KCNK10: variants seen among roughly 807,000 people sequenced by gnomAD.
KCNK10 encodes potassium channel subfamily K member 10.
A neutral mutation model predicts 47.7 loss-of-function variants in KCNK10; 25 were observed. The observed-to-expected ratio is 0.52, with a 90% CI of 0.38 to 0.73. KCNK10 has a LOEUF of 0.73. KCNK10 is among the 30% of genes least tolerant of loss of function. KCNK10 has a pLI of 0.00. For missense variants in KCNK10, 563 were observed against 714.5 expected (o/e 0.79, Z 2.42); for synonymous variants, 303 against 285.6 (o/e 1.06, Z -0.61).
In KCNK10 at chr14:88,220,342, G is replaced by A. The variant is rs1359480287; in HGVS notation, c.681+7033C>T. ...TGAGGCAGGAGAATGGCGTGAACCC[G>A]GGAGGCGGAGCTTGCAGTGAGCCGA... is the stretch of plus-strand genomic sequence containing the variant. On this transcript the variant is annotated intron_variant, in intron 4 of 6. Transcript: ENST00000319231. Among the ~76,000 whole-genome samples, 50 of 140,872 alleles carry A rather than the reference G, an allele frequency of 3.5e-4. No individual in the cohort carries two copies. The South Asian group carries it at 0.01, about 29-fold the overall frequency. 92.4% of individuals were successfully genotyped at this position (140,872 alleles called of 152,430 possible).
chr14:88,281,445 TG>T (rs1887647136), intron 1 of KCNK10, among the ~76,000 whole-genome samples: 1 of 152,154 alleles, frequency 6.6e-6, no homozygotes, highest in Non-Finnish European at 1.5e-5. Context: ...ACGACATAGG[TG>T]GTCCACATCC....
chr14:88,276,948 T>C (rs1465787818), intron 1 of KCNK10, among the ~76,000 whole-genome samples: 1 of 152,272 alleles, frequency 6.6e-6, no homozygotes, highest in African/African-American at 2.4e-5. Context: ...ACGTGTACTT[T>C]ACAAAAGGAT....
chr14:88,258,909 T>C (rs1050293785), intron 2 of KCNK10, among the ~76,000 whole-genome samples: 23 of 152,138 alleles, frequency 1.5e-4, no homozygotes, highest in African/African-American at 5.3e-4. Flanking sequence ...GGATACTCTA[T>C]TTTGGTTATT....
intron 3 of KCNK10, among the ~76,000 whole-genome samples, chr14:88,231,530 G>A (rs1045087580): frequency 2.0e-5 from 3 of 152,142 alleles, no homozygotes; most frequent in Non-Finnish European, 2.9e-5. Context: ...GAACCTGATC[G>A]CTCGCTGTCC....
chr14:88,258,290 CTTT>C (rs1255773967), intron 2 of KCNK10, among the ~76,000 whole-genome samples: 6 of 136,244 alleles, frequency 4.4e-5, no homozygotes, highest in Non-Finnish European at 8.0e-5. Flanking sequence ...TATGGTGAGT[CTTT>C]TTTTTTTTTT....
chr14:88,208,911 CA>C (rs1267378364), intron 4 of KCNK10, among the ~76,000 whole-genome samples: 1 of 152,046 alleles, frequency 6.6e-6, no homozygotes, highest in Non-Finnish European at 1.5e-5. Context: ...GATAGGTAGA[CA>C]AACAAATATT....
At chr14:88,283,397 C>T in intron 1 of KCNK10, among the ~76,000 whole-genome samples, 1 of 152,198 alleles carries the variant, frequency 6.6e-6, no homozygotes, top group East Asian at 1.9e-4. Context: ...GATGGTAATA[C>T]AGATTTGCCG....
At chr14:88,244,948 A>T (rs1444450601) in intron 2 of KCNK10, among the ~76,000 whole-genome samples, 3 of 152,236 alleles carry the variant, frequency 2.0e-5, no homozygotes, top group Non-Finnish European at 4.4e-5. Flanking sequence ...AGAGGTAGAC[A>T]GATAATTAGA....
At chr14:88,231,185 C>T (rs1056383774) in intron 3 of KCNK10, among the ~76,000 whole-genome samples, 2 of 152,102 alleles carry the variant, frequency 1.3e-5, no homozygotes, top group East Asian at 1.9e-4. Context: ...TTGGCTGAGG[C>T]GCGAGGACCA....
At position 88,215,628 on chromosome 14, in the gene KCNK10, A is replaced by G. The variant is rs1210203609; in HGVS notation, c.681+11747T>C. On this transcript the variant is annotated intron_variant, in intron 4 of 6. Transcript: ENST00000319231. ...CAAAATCCTCTCAGACAAATGACCG[A>G]TCCAAGGCTCCCTACAAAGGTTCTG... is the stretch of plus-strand genomic sequence containing the variant. Among the ~76,000 whole-genome samples the G allele has an allele frequency of 5.3e-5, 8 of 152,106 alleles. No homozygotes were observed. In the South Asian group the frequency reaches 1.7e-3, roughly 31 times the overall value.
At chr14:88,268,487 G>A (rs560215869) in intron 1 of KCNK10, among the ~76,000 whole-genome samples, 22 of 152,298 alleles carry the variant, frequency 1.4e-4, no homozygotes, top group Admixed American at 5.9e-4. Context: ...GCCCAAAAGA[G>A]AGAAGCCAGA....
chr14:88,227,862 G>T (rs1353643630), intron 3 of KCNK10, among the ~76,000 whole-genome samples: 1 of 152,172 alleles, frequency 6.6e-6, no homozygotes. Flanking sequence ...AGTTTAGCGA[G>T]ACCTGAATGC....
chr14:88,281,532 C>T (rs936980902), intron 1 of KCNK10, among the ~76,000 whole-genome samples: 17 of 151,986 alleles, frequency 1.1e-4, no homozygotes, highest in African/African-American at 3.9e-4. Context: ...TGCCTTTGGA[C>T]CTGAACTGAA....
rs1328459392 is a variant in KCNK10 at position 88,186,382 on chromosome 14, C to A, written c.1012-227G>T. 6.6e-6 allele frequency among the ~76,000 whole-genome samples: 1 copy of A among 152,142 alleles called. No homozygotes were observed. The highest frequency in any genetic ancestry group is 1.9e-4 in the East Asian group (1 of 5,168). The stretch of plus-strand genomic sequence containing the variant: ...GGCTCAGGGAGACACACGTGGTGGG[C>A]AACCCCAAGAAGCCTCAGATTTGGA... On this transcript the variant is annotated intron_variant, in intron 6 of 6. Coordinates refer to ENST00000319231, the MANE Select transcript of KCNK10 (RefSeq NM_138317.3). The surrounding 1 kb of genome is among the most constrained non-coding windows in gnomAD (Gnocchi z 5.5).
intron 3 of KCNK10, among the ~76,000 whole-genome samples, chr14:88,227,867 G>A (rs1017215694): frequency 6.6e-6 from 1 of 152,204 alleles, no homozygotes; most frequent in Non-Finnish European, 1.5e-5. Context: ...AGCGAGACCT[G>A]AATGCGTGGG....
intron 1 of KCNK10, among the ~76,000 whole-genome samples, chr14:88,280,280 C>T (rs1251545573): frequency 6.6e-6 from 1 of 152,132 alleles, no homozygotes; most frequent in Admixed American, 6.5e-5. Flanking sequence ...CTGCTTACAG[C>T]CTCTGTGATA....
At chr14:88,256,201 G>A (rs138547066) in intron 2 of KCNK10, among the ~76,000 whole-genome samples, 1 of 152,140 alleles carries the variant, frequency 6.6e-6, no homozygotes, top group Admixed American at 6.5e-5. Flanking sequence ...TGTTCAGAAG[G>A]GTCCTTATTA....
chr14:88,192,154 G>T, intron 5 of KCNK10, 70 bp downstream of exon 5: 1 of 1,425,118 alleles, frequency 7.0e-7, no homozygotes, highest in Non-Finnish European at 9.6e-7. Context: ...TTTATCGATT[G>T]CGAAAAGCAC....
At chr14:88,204,309 A>T (rs956405156) in intron 4 of KCNK10, among the ~76,000 whole-genome samples, 13 of 152,226 alleles carry the variant, frequency 8.5e-5, no homozygotes, top group African/African-American at 2.7e-4. Context: ...AAAAGGAGTG[A>T]CAACCCTTCC....
Sources: gnomAD v4.1 joint callset for allele counts (sites outside exome capture counted in the v4.1 genomes callset) on GRCh38, gnomAD v4.1.1 for gene constraint, Gnocchi (gnomAD v3.1) non-coding constraint, MANE v1.5 for transcripts, NCBI Gene and HGNC (gene_info 2026-07-23, HGNC 2026-07-21) for gene names.